Variants in MRPL1 observed in about 807,000 individuals in gnomAD.
MRPL1 encodes the protein mitochondrial ribosomal protein L1, also known as large ribosomal subunit protein uL1m.
In MRPL1, 28 loss-of-function variants were observed where a neutral mutation model predicts 38.0. The ratio of observed to expected loss-of-function variants is 0.74; its 90% CI spans 0.55 to 1.01. MRPL1 has a LOEUF of 1.01. Ranked by LOEUF, MRPL1 falls within the 50% of genes least tolerant of loss-of-function variation. MRPL1 has a pLI of 0.00. For missense variants in MRPL1, 358 were observed against 389.8 expected (o/e 0.92, Z 0.69); for synonymous variants, 123 against 126.7 (o/e 0.97, Z 0.20).
intron 7 of MRPL1, among the ~76,000 whole-genome samples, chr4:77,949,401 C>G (rs534540313): frequency 6.6e-6 from 1 of 152,206 alleles, no homozygotes; most frequent in African/African-American, 2.4e-5. Flanking sequence ...ATTTTGGACT[C>G]AAGAAAACAT....
At chr4:77,949,184 G>C (rs1001817651) in intron 7 of MRPL1, among the ~76,000 whole-genome samples, 98 of 152,158 alleles carry the variant, frequency 6.4e-4, no homozygotes, top group African/African-American at 2.2e-3. Context: ...AATTGAATTT[G>C]AATAATAAAC....
At chr4:77,904,028 G>A (rs1329759715) in intron 6 of MRPL1, among the ~76,000 whole-genome samples, 3 of 151,428 alleles carry the variant, frequency 2.0e-5, no homozygotes, top group African/African-American at 4.9e-5. Flanking sequence ...GGACGGTTTC[G>A]TGAGTTCAGG....
intron 7 of MRPL1, among the ~76,000 whole-genome samples, chr4:77,928,872 A>G (rs1371247342): frequency 2.0e-5 from 3 of 152,142 alleles, no homozygotes; most frequent in Non-Finnish European, 4.4e-5. Context: ...ATTTCCCAGA[A>G]GTTTTGGAAA....
At chr4:77,941,315 T>C (rs1372241983) in intron 7 of MRPL1, among the ~76,000 whole-genome samples, 4 of 152,130 alleles carry the variant, frequency 2.6e-5, no homozygotes, top group Non-Finnish European at 5.9e-5. Flanking sequence ...TCAGAGATAT[T>C]GATCTGTAGT....
In MRPL1 at chr4:77,912,528, C is replaced by G. The variant is rs1324584941; in HGVS notation, c.777+3156C>G. On this transcript the variant is annotated intron_variant, in intron 7 of 8. Coordinates refer to ENST00000315567, the MANE Select transcript of MRPL1 (RefSeq NM_020236.4). Reference sequence around the variant, plus strand: ...ATGTGGAAGATCCATACACCGAAAACTTTAAAACATGGTTAAGAAAAATAA... The same window carrying G: ...ATGTGGAAGATCCATACACCGAAAAGTTTAAAACATGGTTAAGAAAAATAA... 1.3e-5 allele frequency among the ~76,000 whole-genome samples: 2 copies of G among 152,082 alleles called. 1 individual carries two copies. The highest frequency in any genetic ancestry group is 4.1e-4 in the South Asian group (2 of 4,826).
intron 6 of MRPL1, among the ~76,000 whole-genome samples, chr4:77,904,980 A>G (rs918614803): frequency 2.6e-5 from 4 of 152,218 alleles, no homozygotes; most frequent in African/African-American, 9.6e-5. Flanking sequence ...TATAGAAGAA[A>G]AAATTGCTAA....
At position 77,863,461 on chromosome 4, in the gene MRPL1, A is replaced by ATTTTTTTTTTTTTT. The variant is rs969402527; in HGVS notation, c.31+590_31+603dup. Reference sequence around the variant, plus strand: ...GATGACAGCCCTTTCTTGTGCAACAATTTTTTTTTTTTTTTTTTTTTGAGA... The same window carrying ATTTTTTTTTTTTTT: ...GATGACAGCCCTTTCTTGTGCAACAATTTTTTTTTTTTTTTTTTTTTTTTTTTTTTTTTTTGAGA... On this transcript the variant is annotated intron_variant, in intron 1 of 8. Coordinates refer to ENST00000315567, the MANE Select transcript of MRPL1 (RefSeq NM_020236.4). Among the ~76,000 whole-genome samples, 33 of 112,662 alleles carry ATTTTTTTTTTTTTT rather than the reference A, an allele frequency of 2.9e-4. 2 individuals carry two copies. The highest frequency in any genetic ancestry group is 8.0e-4 in the African/African-American group (21 of 26,134). 73.9% of individuals were successfully genotyped at this position (112,662 alleles called of 152,430 possible).
chr4:77,948,769 TTC>T (rs1477637590), intron 7 of MRPL1, among the ~76,000 whole-genome samples: 1 of 146,258 alleles, frequency 6.8e-6, no homozygotes, highest in Admixed American at 7.2e-5. Context: ...CTTCTTCTTC[TTC>T]TTTTTTTTTT....
intron 6 of MRPL1, among the ~76,000 whole-genome samples, chr4:77,899,636 T>C (rs1185533060): frequency 3.3e-5 from 5 of 152,174 alleles, no homozygotes; most frequent in Non-Finnish European, 7.3e-5. Flanking sequence ...ACTCACCTCT[T>C]TTCTAACTAT....
chr4:77,939,653 C>T lies in MRPL1; in HGVS notation c.778-10144C>T, dbSNP rs555527169. Among the ~76,000 whole-genome samples, 20 of 152,272 alleles carry T rather than the reference C, an allele frequency of 1.3e-4. No individual in the cohort carries two copies. The East Asian group carries it at 3.9e-3, about 29-fold the overall frequency. On this transcript the variant is annotated intron_variant, in intron 7 of 8. Transcript: ENST00000315567. ...AAAAGGGTTTTTCCGATGTTATCTT[C>T]TAGAATTTTTATAGTTTCAGGTCTT...
At chr4:77,950,894 G>A (rs902083350) in intron 8 of MRPL1, among the ~76,000 whole-genome samples, 2 of 152,170 alleles carry the variant, frequency 1.3e-5, no homozygotes, top group South Asian at 2.1e-4. Context: ...TTTTTGAGAC[G>A]GAGTCTCACT....
intron 7 of MRPL1, among the ~76,000 whole-genome samples, chr4:77,948,536 T>C (rs1159144485): frequency 1.3e-5 from 2 of 152,182 alleles, no homozygotes; most frequent in Non-Finnish European, 2.9e-5. Flanking sequence ...TGTCCAACCT[T>C]TCTCATTTAG....
In MRPL1 at chr4:77,909,027, A is replaced by T. The variant is rs184771857; in HGVS notation, c.671-239A>T. Among the ~76,000 whole-genome samples, 3 of 152,352 alleles carry T rather than the reference A, an allele frequency of 2.0e-5. No homozygotes were observed. In the East Asian group the frequency reaches 5.8e-4, roughly 29 times the overall value. On this transcript the variant is annotated intron_variant, in intron 6 of 8. Transcript: ENST00000315567. Reference sequence around the variant, plus strand: ...GATAGTCTTCTTCAAGACAGGCATTATAGCTTTATGTAATGTAATTATGTA... The same window carrying T: ...GATAGTCTTCTTCAAGACAGGCATTTTAGCTTTATGTAATGTAATTATGTA...
At chr4:77,878,469 C>A (rs989721969) in intron 2 of MRPL1, among the ~76,000 whole-genome samples, 3 of 152,116 alleles carry the variant, frequency 2.0e-5, no homozygotes, top group Non-Finnish European at 4.4e-5. Flanking sequence ...AATTTCCCCC[C>A]ACTAATGTCC....
At chr4:77,876,612 C>A (rs887386673) in intron 2 of MRPL1, among the ~76,000 whole-genome samples, 1 of 152,028 alleles carries the variant, frequency 6.6e-6, no homozygotes, top group Non-Finnish European at 1.5e-5. Context: ...TCATAGTATT[C>A]ATAATTTTAG....
intron 7 of MRPL1, among the ~76,000 whole-genome samples, chr4:77,938,641 A>AT (rs1413572498): frequency 6.6e-6 from 1 of 152,106 alleles, no homozygotes; most frequent in Non-Finnish European, 1.5e-5. Context: ...AAAAATCCAG[A>AT]TTTTTAGCTG....
At chr4:77,949,091 T>A (rs1158219275) in intron 7 of MRPL1, among the ~76,000 whole-genome samples, 2 of 152,204 alleles carry the variant, frequency 1.3e-5, no homozygotes, top group African/African-American at 4.8e-5. Flanking sequence ...AAAAATTGAT[T>A]TATTTGGCAC....
chr4:77,905,408 A>G (rs1270441897), intron 6 of MRPL1, among the ~76,000 whole-genome samples: 1 of 145,580 alleles, frequency 6.9e-6, no homozygotes, highest in African/African-American at 2.5e-5. Context: ...GAGGCAGGAG[A>G]ATTGCCTGAA....
chr4:77,937,531 T>C (rs985651461), intron 7 of MRPL1, among the ~76,000 whole-genome samples: 18 of 152,218 alleles, frequency 1.2e-4, no homozygotes, highest in African/African-American at 3.9e-4. Context: ...TGGTCCCCAT[T>C]TTGGGTGGTT....
Sources: gnomAD v4.1 joint callset for allele counts (sites outside exome capture counted in the v4.1 genomes callset) on GRCh38, gnomAD v4.1.1 for gene constraint, MANE v1.5 for transcripts, NCBI Gene and HGNC (gene_info 2026-07-23, HGNC 2026-07-21) for gene names.